GFAP: variants seen among roughly 807,000 people sequenced by gnomAD.
GFAP encodes glial fibrillary acidic protein.
In GFAP, 38 loss-of-function variants were observed where a neutral mutation model predicts 49.3. The observed-to-expected ratio is 0.77, with a 90% CI of 0.60 to 1.01. The LOEUF is 1.01. GFAP is among the 50% of genes least tolerant of loss of function. The pLI is 0.00. For synonymous variants in GFAP, 222 were observed against 236.4 expected (o/e 0.94, Z 0.56); for missense variants, 463 against 579.1 (o/e 0.80, Z 2.06).
At chr17:44,911,505 G>T (rs2051765711) in intron 5 of GFAP, 49 bp from the exon 6 acceptor site, 1 of 1,557,472 alleles carries the variant, frequency 6.4e-7, no homozygotes, top group Non-Finnish European at 8.7e-7. Context: ...CCGACTTGGG[G>T]AGGTTTCGAG....
In GFAP at chr17:44,905,070, A is replaced by G; in HGVS notation, c.*2277T>C. ...CACTGTTGTCCCAGCTTCTCCCCCT[A>G]GGAGCTCTCTTCAGCTCTGAAGACC... On this transcript the variant is annotated 3_prime_UTR_variant, in exon 9 of 9. Coordinates refer to ENST00000588735, the MANE Select transcript of GFAP (RefSeq NM_002055.5). 6.5e-7 allele frequency: 1 copy of G among 1,535,146 alleles called. No individual in the cohort carries two copies.
chr17:44,905,364 G>A lies in GFAP; in HGVS notation c.*1983C>T, dbSNP rs939278385. ...AGTGTGAACTCAGATTTATCCAGTGGTAAACACTGATCAGTGTTGAATCAT... is the reference window on the plus strand; with the variant it reads ...AGTGTGAACTCAGATTTATCCAGTGATAAACACTGATCAGTGTTGAATCAT... On this transcript the variant is annotated 3_prime_UTR_variant, in exon 9 of 9. Transcript: ENST00000588735. 2.5e-6 allele frequency: 1 copy of A among 405,234 alleles called. No homozygotes were observed. Among genetic ancestry groups the A allele is most frequent in the African/African-American group, 2.0e-5 (1 of 49,040 alleles). The allele number at this position is 405,234 out of a possible 1,614,324, so 25.1% of individuals were successfully genotyped here.
Position 44,915,423 on chromosome 17 carries a change from C to A in GFAP, c.64G>T (p.Val22Leu). 1.2e-6 allele frequency: 2 copies of A among 1,608,286 alleles called. No homozygotes were observed. Among genetic ancestry groups the A allele is most frequent in the Non-Finnish European group, 1.7e-6 (2 of 1,177,002 alleles). The change falls in exon 1 of 9, where the codon GTG (valine) becomes TTG (leucine). Residue 22 changes from valine to leucine, a missense_variant. This residue lies in a region of GFAP where 89 missense variants were observed against 87.5 expected (regional missense o/e 1.02). Coordinates refer to ENST00000588735, the MANE Select transcript of GFAP (RefSeq NM_002055.5). This position sits in a 1 kb window ranked among gnomAD's most constrained non-coding sequence, Gnocchi z 4.1. ...CGGCGGCCAGGAGCCAGGCCCCCCA[C>A]CATCATCTCCCCTGAGGAGACGTAG... ...RSYVSSGEMM[V>L]GGLAPGRRLG...
In GFAP at chr17:44,913,294, T is replaced by C. The variant is rs775147532; in HGVS notation, c.755A>G (p.Glu252Gly). 6.2e-7 allele frequency: 1 copy of C among 1,614,188 alleles called. No homozygotes were observed. Among genetic ancestry groups the C allele is most frequent in the Non-Finnish European group, 8.5e-7 (1 of 1,180,028 alleles). ...YEAMASSNMH[E>G]AEEWYRSKFA... ...CTTGGAGCGGTACCACTCTTCGGCT[T>C]CATGCATGTTGCTGGACGCCATTGC... The change falls in exon 4 of 9, where the codon GAA (glutamate) becomes GGA (glycine). Residue 252 changes from glutamate (E) to glycine (G), a missense_variant. By Grantham distance (98) the Glu-to-Gly change is moderately conservative. Coordinates refer to ENST00000588735, the MANE Select transcript of GFAP (RefSeq NM_002055.5).
At chr17:44,909,379 C>G (rs2051707929) in intron 7 of GFAP, 1 of 152,204 alleles carries the variant, frequency 6.6e-6, no homozygotes, top group Non-Finnish European at 1.5e-5. Context: ...TTTCCTGTCC[C>G]CTTTCCTCTT....
Position 44,911,464 on chromosome 17 carries a change from A to T in GFAP, c.907-8T>A. The T allele has an allele frequency of 6.3e-7, 1 of 1,598,054 alleles. No homozygotes were observed. The highest frequency in any genetic ancestry group is 8.5e-7 in the Non-Finnish European group (1 of 1,172,850). On this transcript the variant is annotated splice_region_variant and splice_polypyrimidine_tract_variant and intron_variant, in intron 5 of 8. Coordinates refer to ENST00000588735, the MANE Select transcript of GFAP (RefSeq NM_002055.5). ...CCTCTCCAGGGACTCGTTCTGTGGGATGGAGCCGGCCGGTCCCGCGGAGCC... is the reference window on the plus strand; with the variant it reads ...CCTCTCCAGGGACTCGTTCTGTGGGTTGGAGCCGGCCGGTCCCGCGGAGCC...
At chr17:44,911,030 T>C (rs1406067742) in intron 6 of GFAP, among the ~76,000 whole-genome samples, 1 of 152,202 alleles carries the variant, frequency 6.6e-6, no homozygotes, top group Non-Finnish European at 1.5e-5. Flanking sequence ...TGAGGCCTAA[T>C]CAATATTGGT....
At position 44,905,160 on chromosome 17, in the gene GFAP, A is replaced by T. The variant is rs150982500; in HGVS notation, c.*2187T>A. On this transcript the variant is annotated 3_prime_UTR_variant, in exon 9 of 9. Coordinates refer to ENST00000588735, the MANE Select transcript of GFAP (RefSeq NM_002055.5). Reference sequence around the variant, plus strand: ...CTCTGGGTGGGTACCCTGGGTTGGGACAGGTGGTAGGAACATGTGGACAAA... The same window carrying T: ...CTCTGGGTGGGTACCCTGGGTTGGGTCAGGTGGTAGGAACATGTGGACAAA... 2 of 1,047,700 alleles carry T rather than the reference A, an allele frequency of 1.9e-6. No homozygotes were observed. Among genetic ancestry groups the T allele is most frequent in the African/African-American group, 1.6e-5 (1 of 62,074 alleles). 64.9% of individuals were successfully genotyped at this position (1,047,700 alleles called of 1,614,324 possible).
rs121909720 is a variant in GFAP, at chr17:44,915,253, G to T, written c.234C>A (p.Asp78Glu). The T allele has an allele frequency of 6.2e-7, 1 of 1,614,200 alleles. No individual in the cohort carries two copies. The highest frequency in any genetic ancestry group is 8.5e-7 in the Non-Finnish European group (1 of 1,180,040). The part of the protein sequence containing the change: ...SERAEMMELN[D>E]RFASYIEKVR... ...CCTTCTCGATGTAGCTGGCAAAGCG[G>T]TCATTGAGCTCCATCATCTCTGCCC... is the stretch of plus-strand genomic sequence containing the variant. Residue 78 changes from aspartate (D) to glutamate (E), a missense_variant, in exon 1 of 9, where the codon GAC becomes GAA. Coordinates refer to ENST00000588735, the MANE Select transcript of GFAP (RefSeq NM_002055.5). This position sits in a 1 kb window ranked among gnomAD's most constrained non-coding sequence, Gnocchi z 4.1.
Position 44,911,317 on chromosome 17 carries a change from T to A in GFAP, c.1046A>T (p.Tyr349Phe). The A allele has an allele frequency of 6.2e-7, 1 of 1,614,150 alleles. No homozygotes were observed. The highest frequency in any genetic ancestry group is 8.5e-7 in the Non-Finnish European group (1 of 1,179,970). Residue 349 changes from tyrosine (Y) to phenylalanine (F), a missense_variant, in exon 6 of 9, where the codon TAC becomes TTC. By Grantham distance (22) the Tyr-to-Phe change is conservative. This residue lies in a region of GFAP where 362 missense variants were observed against 445.5 expected (regional missense o/e 0.81). Transcript: ENST00000588735. ...CAGCTTGACATTGAGCAGGTCCTGG[T>A]ACTCCTGCAAGTGGCGGGCCATCTC... ...KDEMARHLQE[Y>F]QDLLNVKLAL... is the part of the protein sequence containing the mutation.
At chr17:44,911,126 G>T in intron 6 of GFAP, 110 bp downstream of exon 6, 1 of 952,184 alleles carries the variant, frequency 1.1e-6, no homozygotes, top group Non-Finnish European at 1.7e-6. Context: ...ATTGAGGTGG[G>T]AAGGGATCTG....
chr17:44,914,862 G>C, intron 1 of GFAP, 164 bp downstream of exon 1: 1 of 648,932 alleles, frequency 1.5e-6, no homozygotes, highest in Non-Finnish European at 2.7e-6. Flanking sequence ...GCCTGTTTCT[G>C]GTCCCTCCCA....
At chr17:44,911,647 C>A in intron 5 of GFAP, 25 bp downstream of exon 5, 6 of 1,609,434 alleles carry the variant, frequency 3.7e-6, no homozygotes, top group Non-Finnish European at 5.1e-6. Context: ...TCCGCCCGTC[C>A]CCGTCCTGCC....
At chr17:44,907,412 C>T (rs1475788881) in intron 8 of GFAP, 24 bp from the exon 9 acceptor site, 23 of 1,563,024 alleles carry the variant, frequency 1.5e-5, no homozygotes, top group Non-Finnish European at 1.9e-5. Context: ...GGAACGTGCA[C>T]AGTGCAACAG....
In GFAP at chr17:44,915,347, G is replaced by T. The variant is rs57474185; in HGVS notation, c.140C>A (p.Pro47Gln). The T allele has an allele frequency of 1.9e-6, 3 of 1,612,270 alleles. No individual in the cohort carries two copies. Among genetic ancestry groups the T allele is most frequent in the Admixed American group, 3.3e-5 (2 of 59,998 alleles). Residue 47 changes from proline (P) to glutamine (Q), a missense_variant, in exon 1 of 9, where the codon CCG (proline) becomes CAG (glutamine). Pro to Gln is a moderately conservative substitution (Grantham distance 76). Around this residue, in one of 3 missense-constraint regions of GFAP, gnomAD observed 89 missense variants for 87.5 expected, o/e 1.02. Transcript: ENST00000588735. The surrounding 1 kb of genome is among the most constrained non-coding windows in gnomAD (Gnocchi z 4.1). ...LSLARMPPPLPTRVDFSLAGA... is the reference protein window; with the variant it reads ...LSLARMPPPLQTRVDFSLAGA... ...AGCCAGGGAGAAATCCACCCGGGTC[G>T]GGAGTGGAGGGGGCATTCGAGCCAG...
At chr17:44,913,989 T>G in intron 2 of GFAP, 39 bp downstream of exon 2, 1 of 1,454,694 alleles carries the variant, frequency 6.9e-7, no homozygotes, top group Non-Finnish European at 9.5e-7. Flanking sequence ...CCATCAATCC[T>G]TTCCTCCCTC....
Position 44,915,351 on chromosome 17 carries a change from G to T in GFAP, c.136C>A (p.Leu46Ile). Residue 46 changes from leucine to isoleucine, a missense_variant, in exon 1 of 9, where the codon CTC becomes ATC. Leu to Ile is a conservative substitution (Grantham distance 5, BLOSUM62 2). Transcript: ENST00000588735. This position sits in a 1 kb window ranked among gnomAD's most constrained non-coding sequence, Gnocchi z 4.1. ...AGGGAGAAATCCACCCGGGTCGGGA[G>T]TGGAGGGGGCATTCGAGCCAGGGAG... Reference protein sequence around the residue: ...RLSLARMPPPLPTRVDFSLAG... With the variant: ...RLSLARMPPPIPTRVDFSLAG... 1 of 1,612,198 alleles carries T rather than the reference G, an allele frequency of 6.2e-7. No homozygotes were observed. Among genetic ancestry groups the T allele is most frequent in the Non-Finnish European group, 8.5e-7 (1 of 1,178,592 alleles).
chr17:44,913,799 G>C lies in GFAP; in HGVS notation c.547C>G (p.Arg183Gly), dbSNP rs201656479. 2 of 1,614,098 alleles carry C rather than the reference G, an allele frequency of 1.2e-6. No individual in the cohort carries two copies. Among genetic ancestry groups the C allele is most frequent in the Middle Eastern group, 1.7e-4 (1 of 6,056 alleles). ...TCAATCTTCCTCTCCAGATCCAGAC[G>C]GGCCAGGGTGGCTTCATCTGCTTCC... ...RQEADEATLA[R>G]LDLERKIESL... The change falls in exon 3 of 9, where the codon CGT (arginine) becomes GGT (glycine). Residue 183 changes from arginine to glycine, a missense_variant. By Grantham distance (125) the Arg-to-Gly change is moderately radical. This residue lies in a region of GFAP where 362 missense variants were observed against 445.5 expected (regional missense o/e 0.81). Transcript: ENST00000588735.
At position 44,910,166 on chromosome 17, in the gene GFAP, A is replaced by C. The variant is rs757503403; in HGVS notation, c.1171+449T>G. 3.1e-6 allele frequency: 5 copies of C among 1,613,796 alleles called. No individual in the cohort carries two copies. The African/African-American group carries it at 6.7e-5, about 22-fold the overall frequency. The stretch of plus-strand genomic sequence containing the variant: ...CGCGAGCCGGCGGCGTTCCATTTAC[A>C]ATCTGGTGAGCCTGTATTGGTATAA... On this transcript the variant is annotated intron_variant, in intron 7 of 8. Coordinates refer to ENST00000588735, the MANE Select transcript of GFAP (RefSeq NM_002055.5).
Sources: allele counts gnomAD v4.1 joint callset (sites outside exome capture counted in the v4.1 genomes callset), GRCh38; gene constraint gnomAD v4.1.1; regional missense constraint gnomAD v4.1.1; non-coding constraint Gnocchi (gnomAD v3.1); transcripts MANE v1.5; gene names NCBI Gene and HGNC (gene_info 2026-07-23, HGNC 2026-07-21).